The following THRB variants were observed in gnomAD, a reference collection of about 807,000 sequenced individuals.
THRB encodes nuclear receptor subfamily 1 group A member 2.
Under a neutral mutation model 47.8 loss-of-function variants are expected in THRB, and 12 were observed. The ratio of observed to expected loss-of-function variants is 0.25; its 90% CI spans 0.16 to 0.41. THRB has a LOEUF of 0.41. THRB is among the 10% of genes least tolerant of loss of function. The probability of loss-of-function intolerance (pLI) is 1.00; values close to 1 mark genes in which losing one functional copy is unlikely to be tolerated. For synonymous variants in THRB, 218 were observed against 212.2 expected, an observed-to-expected ratio of 1.03 and a Z score of -0.24; for missense variants, 348 against 589.2, an observed-to-expected ratio of 0.59 and a Z score of 4.24.
Position 24,120,284 on chromosome 3 carries a change from C to T in THRB, c.*2600G>A, listed in dbSNP as rs2031449311. ...TCAGCCTTCAACGAGATTTCCAGAC[C>T]AGCAGTTTGCCTATTGAAGGCAATC... On this transcript the variant is annotated 3_prime_UTR_variant, in exon 11 of 11. Coordinates refer to ENST00000646209, the MANE Select transcript of THRB (RefSeq NM_001354712.2). 6.6e-6 allele frequency: 1 copy of T among 152,158 alleles called. No homozygotes were observed. The highest frequency in any genetic ancestry group is 1.5e-5 in the Non-Finnish European group (1 of 68,036). The allele number at this position is 152,158 out of a possible 1,614,324, so 9.4% of individuals were successfully genotyped here. A position where few individuals can be genotyped will look rare whatever the true frequency, so the allele number is the denominator to read the frequency against.
At chr3:24,413,858 T>C (rs1399877001) in intron 1 of THRB, among the ~76,000 whole-genome samples, 2 of 151,798 alleles carry the variant, frequency 1.3e-5, no homozygotes, top group Non-Finnish European at 2.9e-5. Context: ...GTTCATATCC[T>C]TTGTATGAAG....
At chr3:24,201,241 G>T (rs542289848) in intron 4 of THRB, among the ~76,000 whole-genome samples, 1 of 151,946 alleles carries the variant, frequency 6.6e-6, no homozygotes, top group Non-Finnish European at 1.5e-5. Flanking sequence ...TAGAGTTGGC[G>T]AGGTTGGGGC....
rs188273075 is a variant in THRB at position 24,340,301 on chromosome 3, G to C, written c.-260-2930C>G. Among the ~76,000 whole-genome samples, 450 of 152,082 alleles carry C rather than the reference G, an allele frequency of 3.0e-3. 4 individuals are homozygous for C. Among genetic ancestry groups the C allele is most frequent in the African/African-American group, 0.01 (415 of 41,496 alleles). On this transcript the variant is annotated intron_variant, in intron 1 of 10. Transcript: ENST00000646209. The stretch of plus-strand genomic sequence containing the variant: ...TTCAATTTTAAAGGGGTTAATATTA[G>C]AGCAAAATTAATTCCTCCTCCTTCT...
chr3:24,231,385 A>G (rs759527780), intron 3 of THRB, among the ~76,000 whole-genome samples: 1 of 152,090 alleles, frequency 6.6e-6, no homozygotes. Flanking sequence ...GTATCTAGGA[A>G]TGGAAAAAAT....
At chr3:24,368,893 C>T (rs541791841) in intron 1 of THRB, among the ~76,000 whole-genome samples, 1 of 152,208 alleles carries the variant, frequency 6.6e-6, no homozygotes, top group Admixed American at 6.6e-5. Flanking sequence ...CTCATTAAAC[C>T]CTTGCATTTA....
At chr3:24,298,768 T>C (rs1300846375) in intron 2 of THRB, among the ~76,000 whole-genome samples, 1 of 152,176 alleles carries the variant, frequency 6.6e-6, no homozygotes, top group Non-Finnish European at 1.5e-5. Context: ...CATTGCTGCA[T>C]GCACACCGTC....
At chr3:24,404,318 T>G (rs1196920023) in intron 1 of THRB, among the ~76,000 whole-genome samples, 2 of 151,964 alleles carry the variant, frequency 1.3e-5, no homozygotes, top group African/African-American at 4.8e-5. Context: ...GGTTTCAAAC[T>G]CCATATTGCA....
intron 5 of THRB, among the ~76,000 whole-genome samples, chr3:24,187,978 C>T (rs1427472945): frequency 6.6e-6 from 1 of 152,190 alleles, no homozygotes; most frequent in African/African-American, 2.4e-5. Context: ...CTCTGGAAAA[C>T]ATGGGAGAGT....
At chr3:24,200,199 C>T (rs1484197139) in intron 4 of THRB, among the ~76,000 whole-genome samples, 2 of 152,276 alleles carry the variant, frequency 1.3e-5, no homozygotes, top group East Asian at 3.9e-4. Flanking sequence ...TAGGTTTATC[C>T]TGTGCAAAAG....
intron 1 of THRB, among the ~76,000 whole-genome samples, chr3:24,449,119 A>G (rs566705014): frequency 6.6e-6 from 1 of 152,330 alleles, no homozygotes; most frequent in African/African-American, 2.4e-5. Context: ...AATGAAAGAC[A>G]AAGTATGAAA....
chr3:24,207,388 C>T (rs1559601046), intron 4 of THRB, among the ~76,000 whole-genome samples: 1 of 152,140 alleles, frequency 6.6e-6, no homozygotes, highest in Non-Finnish European at 1.5e-5. Context: ...GAACCAATGA[C>T]AAAAACCACA....
chr3:24,489,037 C>T (rs1577959466), intron 1 of THRB, among the ~76,000 whole-genome samples: 1 of 152,000 alleles, frequency 6.6e-6, no homozygotes, highest in East Asian at 1.9e-4. Flanking sequence ...GGGCAGATCA[C>T]GAGGTCAGGA....
chr3:24,168,539 G>A lies in THRB; in HGVS notation c.284-16049C>T, dbSNP rs191996533. ...CCTAGGTGTGACTTATAGAAAGTCC[G>A]CTTTAATAATTATGGGTGAAACTTT... On this transcript the variant is annotated intron_variant, in intron 5 of 10. Transcript: ENST00000646209. Among the ~76,000 whole-genome samples, 18 of 144,460 alleles carry A rather than the reference G, an allele frequency of 1.2e-4. No homozygotes were observed. In the East Asian group the frequency reaches 2.5e-3, roughly 20 times the overall value. The allele number at this position is 144,460 out of a possible 152,430, so 94.8% of individuals were successfully genotyped here. A position where few individuals can be genotyped will look rare whatever the true frequency, so the allele number is the denominator to read the frequency against.
intron 1 of THRB, chr3:24,455,106 CTTTTTTTTTTTTTTTTTT>C (rs71057676): frequency 2.5e-5 from 1 of 40,686 alleles, no homozygotes; most frequent in Non-Finnish European, 4.4e-5. Context: ...TAAGGACTTA[CTTTTTTTTTTTTTTTTTT>C]TTTTTTTTTT....
intron 1 of THRB, among the ~76,000 whole-genome samples, chr3:24,397,147 T>A (rs1577308048): frequency 6.6e-6 from 1 of 152,124 alleles, no homozygotes; most frequent in Non-Finnish European, 1.5e-5. Flanking sequence ...AACATTCAGA[T>A]GTTGTTAATA....
chr3:24,416,537 A>C (rs1233468576), intron 1 of THRB, among the ~76,000 whole-genome samples: 1 of 151,868 alleles, frequency 6.6e-6, no homozygotes, highest in African/African-American at 2.4e-5. Flanking sequence ...AAAGCGCTCT[A>C]TTTATAAAAG....
intron 1 of THRB, among the ~76,000 whole-genome samples, chr3:24,479,184 C>T (rs889568173): frequency 3.3e-5 from 5 of 152,082 alleles, no homozygotes; most frequent in African/African-American, 1.2e-4. Flanking sequence ...CGCCTGTAGT[C>T]CCAGCTACTC....
At position 24,198,028 on chromosome 3, in the gene THRB, G is replaced by T. The variant is rs76407920; in HGVS notation, c.23-7694C>A. ...CTAACATCTGGGATGGGGTGAGCTG[G>T]TCACCAGAGGGCAGGCTCCTGGCTT... On this transcript the variant is annotated intron_variant, in intron 4 of 10. Transcript: ENST00000646209. Among the ~76,000 whole-genome samples, 1,411 of 152,296 alleles carry T rather than the reference G, an allele frequency of 9.3e-3. 27 individuals carry two copies. The highest frequency in any genetic ancestry group is 0.032 in the African/African-American group (1,334 of 41,554).
Position 24,130,456 on chromosome 3 carries a change from G to A in THRB, c.886-2699C>T, listed in dbSNP as rs184275692. Among the ~76,000 whole-genome samples the A allele has an allele frequency of 6.7e-3, 1,016 of 152,138 alleles. 5 individuals are homozygous for A. Among genetic ancestry groups the A allele is most frequent in the South Asian group, 0.014 (67 of 4,812 alleles). ...CTGGAAAAAAACCATCTCAGGGGCT[G>A]GGGGGGCGGTGGCATTCAAAGGGTA... On this transcript the variant is annotated intron_variant, in intron 9 of 10. Coordinates refer to ENST00000646209, the MANE Select transcript of THRB (RefSeq NM_001354712.2).
Sources: allele counts gnomAD v4.1 joint callset (sites outside exome capture counted in the v4.1 genomes callset), GRCh38; gene constraint gnomAD v4.1.1; transcripts MANE v1.5; gene names NCBI Gene and HGNC (gene_info 2026-07-23, HGNC 2026-07-21).